Variants in CHST8 observed in about 807,000 individuals in gnomAD.
CHST8 encodes the protein GALNAC-4-ST1.
A neutral mutation model predicts 15.0 loss-of-function variants in CHST8; 10 were observed. The ratio of observed to expected loss-of-function variants is 0.67; its 90% CI spans 0.41 to 1.13. The LOEUF (loss-of-function observed/expected upper bound fraction) is 1.13. Among genes scored for constraint, CHST8 ranks in the 50% most tolerant of loss-of-function variants. The pLI is 0.00. For synonymous variants in CHST8, 259 were observed against 256.6 expected (o/e 1.01, Z -0.09); for missense variants, 634 against 608.2 (o/e 1.04, Z -0.45).
chr19:33,695,067 T>C (rs1304008670), intron 3 of CHST8, among the ~76,000 whole-genome samples: 1 of 151,950 alleles, frequency 6.6e-6, no homozygotes, highest in African/African-American at 2.4e-5. Context: ...GTGATCCTCC[T>C]ACCTGAGCCG....
chr19:33,757,439 A>AG (rs1974581689), intron 3 of CHST8, among the ~76,000 whole-genome samples: 1 of 23,356 alleles, frequency 4.3e-5, no homozygotes. Context: ...AGAAAGAAAG[A>AG]AAGAAAGAAA....
intron 3 of CHST8, among the ~76,000 whole-genome samples, chr19:33,757,458 GAAAGAAAGAAAGAAAGAAAGAAA>G (rs1974588608): frequency 1.1e-4 from 4 of 36,730 alleles, no homozygotes; most frequent in Admixed American, 5.6e-4. Flanking sequence ...AAGAAAGAAA[GAAAGAAAGAAAGAAAGAAAGAAA>G]GAAAGAAAGA....
intron 1 of CHST8, among the ~76,000 whole-genome samples, chr19:33,661,297 G>T (rs1443156091): frequency 6.6e-6 from 1 of 152,160 alleles, no homozygotes; most frequent in African/African-American, 2.4e-5. Context: ...ATTGGACTTG[G>T]CAACACCTGC....
At chr19:33,732,161 G>A (rs187857122) in intron 3 of CHST8, among the ~76,000 whole-genome samples, 8 of 152,284 alleles carry the variant, frequency 5.3e-5, no homozygotes, top group African/African-American at 1.9e-4. Context: ...GCTCATGATT[G>A]CCCTTACTTT....
chr19:33,685,405 G>T (rs1354229900), intron 2 of CHST8, among the ~76,000 whole-genome samples: 2 of 151,706 alleles, frequency 1.3e-5, no homozygotes, highest in Non-Finnish European at 2.9e-5. Context: ...TTCAGGCCTG[G>T]GGGAGAAAAG....
At position 33,772,008 on chromosome 19, in the gene CHST8, A is replaced by G; in HGVS notation, c.220A>G (p.Arg74Gly). 1.2e-6 allele frequency: 2 copies of G among 1,602,654 alleles called. No individual in the cohort carries two copies. Residue 74 changes from arginine (R) to glycine (G), a missense_variant, in exon 5 of 5, where the codon AGG becomes GGG. Coordinates refer to ENST00000650847, the MANE Select transcript of CHST8 (RefSeq NM_001127895.2). ...TGGTGACTTGAAGGAACCCACAGAG[A>G]GGGTCACTCGGGACTTATCCAGTGG... is the stretch of plus-strand genomic sequence containing the variant. ...QDGDLKEPTE[R>G]VTRDLSSGAP... is the part of the protein sequence containing the mutation.
chr19:33,748,735 G>A (rs947953206), intron 3 of CHST8, among the ~76,000 whole-genome samples: 1 of 152,182 alleles, frequency 6.6e-6, no homozygotes, highest in Non-Finnish European at 1.5e-5. Context: ...GTGAAACTGA[G>A]GCTGCAGGCA....
intron 2 of CHST8, among the ~76,000 whole-genome samples, chr19:33,681,235 G>A (rs1972884136): frequency 6.6e-6 from 1 of 152,222 alleles, no homozygotes; most frequent in Non-Finnish European, 1.5e-5. Flanking sequence ...CCCTAGGTCA[G>A]GAGTAGCCCA....
chr19:33,690,967 G>T (rs1305856514), intron 3 of CHST8, among the ~76,000 whole-genome samples: 2 of 152,218 alleles, frequency 1.3e-5, no homozygotes, highest in Non-Finnish European at 2.9e-5. Flanking sequence ...GGTCCAGGCG[G>T]CCAGTACCCA....
chr19:33,757,464 A>AGAGAG (rs1568358522), intron 3 of CHST8, among the ~76,000 whole-genome samples: 2 of 41,876 alleles, frequency 4.8e-5, no homozygotes, highest in African/African-American at 9.6e-5. Context: ...GAAAGAAAGA[A>AGAGAG]AGAAAGAAAG....
intron 3 of CHST8, among the ~76,000 whole-genome samples, chr19:33,728,115 C>T (rs1292375090): frequency 2.0e-5 from 3 of 152,260 alleles, no homozygotes; most frequent in Non-Finnish European, 4.4e-5. Flanking sequence ...ACTGTATTTC[C>T]AGAGCACATG....
chr19:33,622,831 G>T (rs1568305424), intron 1 of CHST8, among the ~76,000 whole-genome samples: 1 of 152,148 alleles, frequency 6.6e-6, no homozygotes. Flanking sequence ...AACTCTCCAG[G>T]GCACCGGCCT....
chr19:33,632,855 G>A (rs561545377), intron 1 of CHST8, among the ~76,000 whole-genome samples: 5 of 151,990 alleles, frequency 3.3e-5, no homozygotes, highest in South Asian at 2.1e-4. Flanking sequence ...TGCAACCTCC[G>A]CCTCCTGGGT....
chr19:33,697,533 A>G (rs1430806277), intron 3 of CHST8, among the ~76,000 whole-genome samples: 1 of 152,134 alleles, frequency 6.6e-6, no homozygotes, highest in Non-Finnish European at 1.5e-5. Context: ...GCCCGGCCTC[A>G]TGTAATACTT....
rs145172190 is a variant in CHST8 at position 33,745,560 on chromosome 19, G to T, written c.131-25853G>T. ...CACTGACTGTCGGGTTCCTGGGAAA[G>T]AGACTCTGAAGAAGTGCAGGAGGTG... On this transcript the variant is annotated intron_variant, in intron 3 of 4. Transcript: ENST00000650847. Among the ~76,000 whole-genome samples, 5 of 152,352 alleles carry T rather than the reference G, an allele frequency of 3.3e-5. No individual in the cohort carries two copies. In the East Asian group the frequency reaches 9.7e-4, roughly 29 times the overall value.
At chr19:33,637,404 CT>C (rs35709907) in intron 1 of CHST8, among the ~76,000 whole-genome samples, 73,987 of 133,650 alleles carry the variant, frequency 0.55, 19,919 homozygotes, top group Admixed American at 0.63. Flanking sequence ...GGTTCGCTTT[CT>C]TTTTTTTTTT....
rs139168603 is a variant in CHST8 at position 33,664,802 on chromosome 19, T to G, written c.-163-2965T>G. 8.3e-3 allele frequency among the ~76,000 whole-genome samples: 1,261 copies of G among 152,146 alleles called. 16 individuals are homozygous for G. Among genetic ancestry groups the G allele is most frequent in the African/African-American group, 0.029 (1,223 of 41,530 alleles). On this transcript the variant is annotated intron_variant, in intron 1 of 4. Transcript: ENST00000650847. ...ACTGCCAATCTTGTCTCTGTCTTCA[T>G]GAGATCCAATTTTCTGGTTCCCACG...
At chr19:33,657,126 T>TACACACACACAC (rs530334678) in intron 1 of CHST8, among the ~76,000 whole-genome samples, 2 of 127,822 alleles carry the variant, frequency 1.6e-5, no homozygotes, top group Non-Finnish European at 1.7e-5. Context: ...TTTGCTTTAT[T>TACACACACACAC]ACACACACAC....
chr19:33,673,208 G>T (rs933884724), intron 2 of CHST8, among the ~76,000 whole-genome samples: 1 of 152,194 alleles, frequency 6.6e-6, no homozygotes, highest in African/African-American at 2.4e-5. Flanking sequence ...CCCAGATATC[G>T]ATCAGTGCCT....
Sources: allele counts gnomAD v4.1 joint callset (sites outside exome capture counted in the v4.1 genomes callset), GRCh38; gene constraint gnomAD v4.1.1; transcripts MANE v1.5; gene names NCBI Gene and HGNC (gene_info 2026-07-23, HGNC 2026-07-21).